The following TDRD1 variants were observed in gnomAD, a reference collection of about 807,000 sequenced individuals.
The protein encoded by TDRD1 is tudor domain containing 1.
In TDRD1, 37 loss-of-function variants were observed where a neutral mutation model predicts 140.6. That is an observed-to-expected ratio of 0.26 (90% CI 0.20 to 0.35). The LOEUF is 0.35. Among genes scored for constraint, TDRD1 ranks in the 10% least tolerant of loss-of-function variants. The pLI, the probability that TDRD1 is intolerant of heterozygous loss-of-function variation, is 1.00. For synonymous variants in TDRD1, 506 were observed against 475.7 expected, an observed-to-expected ratio of 1.06 and a Z score of -0.83; for missense variants, 1,243 against 1,393.0, an observed-to-expected ratio of 0.89 and a Z score of 1.71.
chr10:114,198,331 CATT>C (rs1202393437), intron 3 of TDRD1, among the ~76,000 whole-genome samples: 1 of 152,210 alleles, frequency 6.6e-6, no homozygotes, highest in South Asian at 2.1e-4. Context: ...GGTGGCACCT[CATT>C]GTTGCCAGGT....
intron 18 of TDRD1, among the ~76,000 whole-genome samples, chr10:114,219,289 T>C (rs2133137356): frequency 1.3e-5 from 2 of 152,330 alleles, no homozygotes; most frequent in South Asian, 4.1e-4. Flanking sequence ...TGCTTCTGTT[T>C]CCTCATCTGG....
chr10:114,197,345 T>G (rs1430243311), intron 3 of TDRD1, among the ~76,000 whole-genome samples: 1 of 152,212 alleles, frequency 6.6e-6, no homozygotes, highest in East Asian at 1.9e-4. Flanking sequence ...CCCTCCATTA[T>G]GCTAGTGAGT....
exon 10 of TDRD1, chr10:114,204,797 C>T (rs2034995817): frequency 1.2e-6 from 2 of 1,607,388 alleles, no homozygotes; most frequent in Middle Eastern, 3.3e-4. Flanking sequence ...AGCTACTAAA[C>T]CACTGTTAAT....
intron 1 of TDRD1, among the ~76,000 whole-genome samples, chr10:114,186,009 T>A (rs372269414): frequency 4.6e-5 from 7 of 152,328 alleles, no homozygotes; most frequent in African/African-American, 1.4e-4. Flanking sequence ...AATAATTTTC[T>A]CCCTGAGTTT....
At chr10:114,205,295 A>G (rs1219677387) in intron 10 of TDRD1, among the ~76,000 whole-genome samples, 1 of 152,214 alleles carries the variant, frequency 6.6e-6, no homozygotes, top group African/African-American at 2.4e-5. Context: ...GAAATGCTTT[A>G]GAATTCTCTT....
chr10:114,196,934 C>T (rs1475063531), intron 3 of TDRD1, among the ~76,000 whole-genome samples: 1 of 142,514 alleles, frequency 7.0e-6, no homozygotes, highest in Non-Finnish European at 1.5e-5. Context: ...GCAACCTCTG[C>T]CTCCTGGGTT....
chr10:114,205,366 C>G (rs1329071693), intron 10 of TDRD1, among the ~76,000 whole-genome samples: 1 of 152,144 alleles, frequency 6.6e-6, no homozygotes, highest in African/African-American at 2.4e-5. Context: ...TGGGTGCCTC[C>G]CAGTTTCCAG....
chr10:114,196,524 T>G (rs1261829927), intron 3 of TDRD1, among the ~76,000 whole-genome samples: 1 of 152,200 alleles, frequency 6.6e-6, no homozygotes, highest in Non-Finnish European at 1.5e-5. Flanking sequence ...AAAGATACCT[T>G]ACTGCCATGT....
At chr10:114,180,592 A>C (rs1386095951) in intron 1 of TDRD1, among the ~76,000 whole-genome samples, 2 of 152,106 alleles carry the variant, frequency 1.3e-5, no homozygotes, top group African/African-American at 4.8e-5. Context: ...CAGCCTTCCT[A>C]GTAGCTGGGA....
chr10:114,207,475 T>C (rs769215172), intron 11 of TDRD1, among the ~76,000 whole-genome samples: 11 of 152,216 alleles, frequency 7.2e-5, no homozygotes, highest in Non-Finnish European at 1.5e-4. Flanking sequence ...TGTCATAGTT[T>C]ATCTCCCTAT....
intron 21 of TDRD1, among the ~76,000 whole-genome samples, chr10:114,223,925 G>C (rs560386072): frequency 6.6e-6 from 1 of 152,256 alleles, no homozygotes; most frequent in East Asian, 1.9e-4. Flanking sequence ...TGTTATCCTG[G>C]GTTTTTCCTC....
chr10:114,175,003 G>A (rs181902686), upstream of TDRD1, among the ~76,000 whole-genome samples: 58 of 152,356 alleles, frequency 3.8e-4, no homozygotes, highest in Middle Eastern at 3.4e-3. Context: ...AGCTGATGCA[G>A]ACGATTCTGC....
In TDRD1 at chr10:114,220,696, G is replaced by A. The variant is rs770914554; in HGVS notation, c.2623G>A (p.Asp875Asn). 13 of 1,613,828 alleles carry A rather than the reference G, an allele frequency of 8.1e-6. No individual in the cohort carries two copies. In the East Asian group the frequency reaches 8.9e-5, roughly 11 times the overall value. Reference sequence around the variant, plus strand: ...AAATGGGATAGGAGTTGAACTCACCGATCTCTCCACTTGTTATCCCAGAAT... The same window carrying A: ...AAATGGGATAGGAGTTGAACTCACCAATCTCTCCACTTGTTATCCCAGAAT... The change falls in exon 19 of 26, where the codon GAT (aspartate) becomes AAT (asparagine). Residue 875 changes from aspartate (D) to asparagine (N), a missense_variant. Around this residue, in one of 5 missense-constraint regions of TDRD1, gnomAD observed 601 missense variants for 734.7 expected, o/e 0.82. Coordinates refer to ENST00000251864, the Ensembl canonical transcript of TDRD1.
chr10:114,230,149 T>A (rs1215383900), intron 25 of TDRD1, among the ~76,000 whole-genome samples: 11 of 152,328 alleles, frequency 7.2e-5, no homozygotes, highest in Admixed American at 5.2e-4. Context: ...ATTACATTTT[T>A]AACCAAGTTG....
chr10:114,227,466 T>G (rs1227316430), intron 23 of TDRD1, among the ~76,000 whole-genome samples, 167 bp downstream of exon 23: 3 of 152,218 alleles, frequency 2.0e-5, no homozygotes, highest in Non-Finnish European at 2.9e-5. Context: ...GAGGGCCGCC[T>G]TGATGGAGGC....
chr10:114,203,648 T>C (rs1427556276), intron 8 of TDRD1, 81 bp downstream of exon 8: 15 of 1,281,894 alleles, frequency 1.2e-5, no homozygotes, highest in African/African-American at 3.0e-5. Context: ...CTTTTAATGA[T>C]GCATGACAAG....
intron 3 of TDRD1, among the ~76,000 whole-genome samples, chr10:114,197,743 C>T (rs181799964): frequency 6.6e-5 from 10 of 151,652 alleles, no homozygotes; most frequent in African/African-American, 2.2e-4. Flanking sequence ...CTGCAACCTC[C>T]GCCTCCTGGG....
chr10:114,184,864 G>A (rs2120057706), intron 1 of TDRD1, among the ~76,000 whole-genome samples: 1 of 152,266 alleles, frequency 6.6e-6, no homozygotes, highest in Non-Finnish European at 1.5e-5. Context: ...CATAATCTGA[G>A]ATGGAGATTT....
chr10:114,197,640 G>T (rs2132907341), intron 3 of TDRD1, among the ~76,000 whole-genome samples: 1 of 149,414 alleles, frequency 6.7e-6, no homozygotes, highest in Middle Eastern at 3.4e-3. Context: ...TTGAAACTGG[G>T]ATATCTTGGG....
Sources: gnomAD v4.1 joint callset for allele counts (sites outside exome capture counted in the v4.1 genomes callset) on GRCh38, gnomAD v4.1.1 for gene constraint, gnomAD v4.1.1 regional missense constraint, MANE v1.5 for transcripts, NCBI Gene and HGNC (gene_info 2026-07-23, HGNC 2026-07-21) for gene names.